The following ATP9B variants were observed in gnomAD, a reference collection of about 807,000 sequenced individuals.
The protein encoded by ATP9B is ATPase phospholipid transporting 9B.
In ATP9B, 110 loss-of-function variants were observed where a neutral mutation model predicts 146.1. The observed-to-expected ratio is 0.75, with a 90% confidence interval of 0.65 to 0.88. ATP9B has a LOEUF of 0.88. ATP9B is among the 40% of genes least tolerant of loss of function. The pLI is 0.00. For missense variants in ATP9B, 1,499 were observed against 1,496.4 expected (o/e 1.00, Z -0.03); for synonymous variants, 604 against 569.7 (o/e 1.06, Z -0.86).
At chr18:79,102,169 T>C (rs1042218331) in intron 2 of ATP9B, among the ~76,000 whole-genome samples, 2 of 152,160 alleles carry the variant, frequency 1.3e-5, no homozygotes, top group Admixed American at 1.3e-4. Flanking sequence ...AGTCTGTATC[T>C]TGTCTTTCCA....
chr18:79,126,596 A>T (rs2094291196), intron 5 of ATP9B, among the ~76,000 whole-genome samples: 1 of 152,220 alleles, frequency 6.6e-6, no homozygotes, highest in Non-Finnish European at 1.5e-5. Context: ...GTACACATAT[A>T]TACAAATGCA....
rs767507387 is a variant in ATP9B at position 79,345,552 on chromosome 18, G to C, written c.2597G>C (p.Gly866Ala). The change falls in exon 22 of 30, where the codon GGG becomes GCG. Residue 866 changes from glycine to alanine, a missense_variant. Coordinates refer to ENST00000426216, the MANE Select transcript of ATP9B (RefSeq NM_198531.5). ...GTGACACTGCTGCAGCAGCACACAG[G>C]GAGACGCACCTGCGCCATCGGTGAG... ...RIVTLLQQHTGRRTCAIGDGG... is the reference protein window; with the variant it reads ...RIVTLLQQHTARRTCAIGDGG... 9.3e-6 allele frequency: 15 copies of C among 1,609,632 alleles called. No homozygotes were observed. Among genetic ancestry groups the C allele is most frequent in the Admixed American group, 6.7e-5 (4 of 60,008 alleles).
intron 28 of ATP9B, among the ~76,000 whole-genome samples, chr18:79,375,133 A>C (rs1160269195): frequency 6.6e-6 from 1 of 152,218 alleles, no homozygotes; most frequent in Non-Finnish European, 1.5e-5. Flanking sequence ...TCAGACCTGG[A>C]TAGGTCTCTG....
intron 4 of ATP9B, chr18:79,117,450 A>G (rs942976379): frequency 6.6e-6 from 1 of 152,314 alleles, no homozygotes; most frequent in Non-Finnish European, 1.5e-5. Flanking sequence ...TGACATTGGA[A>G]TGACATCTTA....
At chr18:79,308,063 G>A (rs992018173) in intron 15 of ATP9B, among the ~76,000 whole-genome samples, 1 of 152,138 alleles carries the variant, frequency 6.6e-6, no homozygotes, top group Non-Finnish European at 1.5e-5. Flanking sequence ...GGTTCTGGTT[G>A]ACGAGTTTAT....
At chr18:79,226,317 C>T (rs1286531201) in intron 11 of ATP9B, among the ~76,000 whole-genome samples, 1 of 152,258 alleles carries the variant, frequency 6.6e-6, no homozygotes. Context: ...GCGTTTTTCT[C>T]AGACTGCTGT....
intron 12 of ATP9B, among the ~76,000 whole-genome samples, chr18:79,270,392 T>G (rs2145547898): frequency 6.6e-6 from 1 of 152,330 alleles, no homozygotes; most frequent in African/African-American, 2.4e-5. Context: ...AATTTTTAAA[T>G]TATTTGAAAA....
intron 9 of ATP9B, among the ~76,000 whole-genome samples, chr18:79,196,886 G>A (rs117769992): frequency 0.018 from 2,737 of 152,272 alleles, 37 homozygotes; most frequent in Middle Eastern, 0.034. Context: ...AATAAAGTCC[G>A]TCATAGGAAA....
At chr18:79,339,058 G>A (rs557892879) in intron 19 of ATP9B, among the ~76,000 whole-genome samples, 5 of 152,336 alleles carry the variant, frequency 3.3e-5, no homozygotes, top group East Asian at 1.9e-4. Flanking sequence ...TTCTGAGATC[G>A]CAGTAGGAAG....
At chr18:79,325,903 G>A (rs1290122319) in intron 15 of ATP9B, among the ~76,000 whole-genome samples, 1 of 151,236 alleles carries the variant, frequency 6.6e-6, no homozygotes, top group Non-Finnish European at 1.5e-5. Context: ...CTCACATGGT[G>A]TTAGGGTGTC....
At chr18:79,111,131 A>G (rs2075979803) in intron 3 of ATP9B, among the ~76,000 whole-genome samples, 1 of 152,194 alleles carries the variant, frequency 6.6e-6, no homozygotes, top group Non-Finnish European at 1.5e-5. Flanking sequence ...GGCTTAAATT[A>G]TAAAACAGTT....
rs2096897751 is a variant in ATP9B at position 79,347,682 on chromosome 18, C to T, written c.2683-88C>T. On this transcript the variant is annotated intron_variant, in intron 23 of 29. Transcript: ENST00000426216. The stretch of plus-strand genomic sequence containing the variant: ...GCAGAGAGAATTTCGGTCTTTGTAA[C>T]ATTTAGGCTGAGTTCTAAAACTCAC... The T allele has an allele frequency of 4.9e-6, 7 of 1,418,592 alleles. No individual in the cohort carries two copies. In the East Asian group the frequency reaches 1.8e-4, roughly 36 times the overall value. The allele number at this position is 1,418,592 out of a possible 1,614,324, so 87.9% of individuals were successfully genotyped here.
chr18:79,202,587 A>G (rs2095498660), intron 9 of ATP9B, among the ~76,000 whole-genome samples: 1 of 152,246 alleles, frequency 6.6e-6, no homozygotes, highest in African/African-American at 2.4e-5. Context: ...TCACACTTAT[A>G]GACCATTAAA....
intron 15 of ATP9B, among the ~76,000 whole-genome samples, chr18:79,316,399 C>T (rs1048659428): frequency 1.3e-5 from 2 of 152,182 alleles, no homozygotes; most frequent in Non-Finnish European, 2.9e-5. Flanking sequence ...AGAATCTGAG[C>T]CGCACACCTG....
intron 23 of ATP9B, among the ~76,000 whole-genome samples, chr18:79,347,082 C>T (rs541229517): frequency 1.3e-5 from 2 of 152,350 alleles, no homozygotes; most frequent in African/African-American, 4.8e-5. Flanking sequence ...CCATGGCCTC[C>T]CTCCTGTTTT....
intron 1 of ATP9B, among the ~76,000 whole-genome samples, chr18:79,077,408 G>A (rs1021255435): frequency 7.2e-5 from 11 of 152,150 alleles, no homozygotes; most frequent in Non-Finnish European, 1.3e-4. Flanking sequence ...ACCTTGGCTG[G>A]GAAGGGGAGG....
At chr18:79,284,236 T>C (rs560512784) in intron 13 of ATP9B, among the ~76,000 whole-genome samples, 1 of 152,336 alleles carries the variant, frequency 6.6e-6, no homozygotes, top group African/African-American at 2.4e-5. Context: ...CCAAGTCTCT[T>C]ATGCATGATG....
intron 25 of ATP9B, among the ~76,000 whole-genome samples, 177 bp from the exon 26 acceptor site, chr18:79,359,177 C>A (rs1387111203): frequency 6.6e-6 from 1 of 152,156 alleles, no homozygotes; most frequent in East Asian, 1.9e-4. Flanking sequence ...TGCTACTGTG[C>A]TCTGAGATAA....
chr18:79,161,090 T>C (rs767867030), intron 7 of ATP9B, among the ~76,000 whole-genome samples: 3 of 152,178 alleles, frequency 2.0e-5, no homozygotes, highest in Non-Finnish European at 4.4e-5. Flanking sequence ...ATTTTGGAAA[T>C]TCTTCCTCAG....
Sources: allele counts gnomAD v4.1 joint callset (sites outside exome capture counted in the v4.1 genomes callset), GRCh38; gene constraint gnomAD v4.1.1; transcripts MANE v1.5; gene names NCBI Gene and HGNC (gene_info 2026-07-23, HGNC 2026-07-21).